Variants in TNS1 observed in about 807,000 individuals in gnomAD.
The protein encoded by TNS1 is tensin 1.
Under a neutral mutation model 168.6 loss-of-function variants are expected in TNS1, and 62 were observed. The ratio of observed to expected loss-of-function variants is 0.37; its 90% CI spans 0.30 to 0.45. The LOEUF (loss-of-function observed/expected upper bound fraction) is 0.45, where lower values mean the gene tolerates loss of function less well. Ranked by LOEUF, TNS1 falls within the 20% of genes least tolerant of loss-of-function variation. The pLI is 1.00. For synonymous variants in TNS1, 934 were observed against 933.2 expected (o/e 1.00, Z -0.02); for missense variants, 2,240 against 2,339.4 (o/e 0.96, Z 0.88).
intron 4 of TNS1, among the ~76,000 whole-genome samples, chr2:217,917,202 A>G (rs1345606745): frequency 6.6e-6 from 1 of 151,500 alleles, no homozygotes; most frequent in Non-Finnish European, 1.5e-5. Flanking sequence ...CAACAGCCCC[A>G]CCCATTCACC....
chr2:217,916,227 G>A (rs1954987674), intron 4 of TNS1, among the ~76,000 whole-genome samples: 1 of 152,098 alleles, frequency 6.6e-6, no homozygotes, highest in Non-Finnish European at 1.5e-5. Context: ...GGCTCCCATG[G>A]TGTCCCCCTG....
At chr2:217,917,720 A>G (rs758027486) in intron 4 of TNS1, among the ~76,000 whole-genome samples, 3 of 151,316 alleles carry the variant, frequency 2.0e-5, no homozygotes, top group Non-Finnish European at 4.4e-5. Context: ...AGTCCCAGCT[A>G]CTCAGGAGGC....
chr2:217,886,908 C>G (rs1401665060), intron 12 of TNS1, among the ~76,000 whole-genome samples: 1 of 152,160 alleles, frequency 6.6e-6, no homozygotes, highest in African/African-American at 2.4e-5. Context: ...CGCCACCGCC[C>G]TCTGGTGGTC....
intron 1 of TNS1, among the ~76,000 whole-genome samples, chr2:217,997,819 G>A (rs999160936): frequency 2.0e-5 from 3 of 152,340 alleles, no homozygotes; most frequent in Non-Finnish European, 1.5e-5. Context: ...TGAGCGATTC[G>A]TGTTGTCTTT....
rs1162316529 is a variant in TNS1 at position 217,813,846 on chromosome 2, GGA to G, written c.4730-32_4730-31del. 6.4e-7 allele frequency: 1 copy of G among 1,567,618 alleles called. No homozygotes were observed. The highest frequency in any genetic ancestry group is 8.7e-7 in the Non-Finnish European group (1 of 1,155,214). On this transcript the variant is annotated intron_variant, in intron 25 of 32. Coordinates refer to ENST00000682258, the MANE Select transcript of TNS1 (RefSeq NM_001387777.1). The surrounding 1 kb of genome is among the most constrained non-coding windows in gnomAD (Gnocchi z 4.0). ...ATGGGGAAGGGACAAGGAGAGAGGAGGAAGCAAGACCTCGGTGGCGCTAGTTT... is the reference window on the plus strand; with the variant it reads ...ATGGGGAAGGGACAAGGAGAGAGGAGAGCAAGACCTCGGTGGCGCTAGTTT...
intron 2 of TNS1, among the ~76,000 whole-genome samples, chr2:217,984,576 C>T (rs550433527): frequency 6.6e-6 from 1 of 152,214 alleles, no homozygotes; most frequent in Non-Finnish European, 1.5e-5. Context: ...CAGCCTCGAC[C>T]TCCCCAGGCT....
chr2:217,998,408 C>G (rs1958507142), intron 1 of TNS1, among the ~76,000 whole-genome samples: 1 of 152,208 alleles, frequency 6.6e-6, no homozygotes. Flanking sequence ...TCTGAGGCCC[C>G]ATCAGTGGGG....
rs756559646 is a variant in TNS1 at position 217,880,975 on chromosome 2, T to C, written c.1352A>G (p.Asp451Gly). 1.2e-6 allele frequency: 2 copies of C among 1,613,934 alleles called. No homozygotes were observed. The highest frequency in any genetic ancestry group is 1.7e-5 in the Admixed American group (1 of 60,000). ...GATGAGGGGGTCGGAGGTGTTATAG[T>C]CCACAGACACGCTCGGCCCGTTCTC... ...HLENGPSVSV[D>G]YNTSDPLIRW... Residue 451 changes from aspartate to glycine, a missense_variant, in exon 18 of 33, where the codon GAC (aspartate) becomes GGC (glycine). Asp to Gly is a moderately conservative substitution (Grantham distance 94, BLOSUM62 -1). Around this residue, in one of 2 missense-constraint regions of TNS1, gnomAD observed 2,131 missense variants for 2,171.2 expected, o/e 0.98. Transcript: ENST00000682258. The surrounding 1 kb of genome is among the most constrained non-coding windows in gnomAD (Gnocchi z 4.2).
intron 3 of TNS1, among the ~76,000 whole-genome samples, chr2:217,970,681 G>A (rs1344242122): frequency 6.6e-6 from 1 of 152,204 alleles, no homozygotes; most frequent in Non-Finnish European, 1.5e-5. Flanking sequence ...ATAGAGACGG[G>A]AAGATTAGTG....
At chr2:217,913,708 C>A (rs1954685737) in intron 4 of TNS1, among the ~76,000 whole-genome samples, 1 of 152,064 alleles carries the variant, frequency 6.6e-6, no homozygotes, top group Non-Finnish European at 1.5e-5. Context: ...GTTCAAGTTC[C>A]CCAGTGTGGT....
At chr2:217,854,510 C>T (rs2125486328) in intron 18 of TNS1, among the ~76,000 whole-genome samples, 1 of 152,312 alleles carries the variant, frequency 6.6e-6, no homozygotes, top group South Asian at 2.1e-4. Context: ...GTGATGACCA[C>T]CCAACGTGGG....
rs1244190923 is a variant in TNS1 at position 217,953,094 on chromosome 2, AG to A, written c.186+25670del. Among the ~76,000 whole-genome samples, 3 of 152,250 alleles carry A rather than the reference AG, an allele frequency of 2.0e-5. No individual in the cohort carries two copies. In the East Asian group the frequency reaches 5.8e-4, roughly 29 times the overall value. ...GGCCTGGCCATCTGGGGATGGAAGC[AG>A]GAGCCTCACGTCTGTTCCTAATGTC... On this transcript the variant is annotated intron_variant, in intron 3 of 32. Coordinates refer to ENST00000682258, the MANE Select transcript of TNS1 (RefSeq NM_001387777.1).
At chr2:217,866,451 G>C (rs1427671315) in intron 18 of TNS1, among the ~76,000 whole-genome samples, 3 of 152,096 alleles carry the variant, frequency 2.0e-5, no homozygotes, top group Non-Finnish European at 4.4e-5. Context: ...CTCCAAACTT[G>C]TCTGAGGCTA....
At position 218,033,692 on chromosome 2, in the gene TNS1, C is replaced by T. The variant is rs895214572; in HGVS notation, c.156+128G>A. On this transcript the variant is annotated intron_variant, in intron 1 of 1. Transcript: ENST00000649572. The surrounding 1 kb of genome is among the most constrained non-coding windows in gnomAD (Gnocchi z 4.3). ...CCTCCCCCTTGGTCCACCTGCCTTG[C>T]CGCACTTCCCAAGCAGACTAGCACC... 6.6e-6 allele frequency among the ~76,000 whole-genome samples: 1 copy of T among 152,186 alleles called. No individual in the cohort carries two copies. The highest frequency in any genetic ancestry group is 1.5e-5 in the Non-Finnish European group (1 of 68,032).
At chr2:217,898,478 G>A (rs762873255) in intron 7 of TNS1, among the ~76,000 whole-genome samples, 22 of 152,222 alleles carry the variant, frequency 1.4e-4, no homozygotes, top group African/African-American at 5.1e-4. Context: ...TGGAGTGGGC[G>A]GGAAACCTCT....
At chr2:217,816,009 C>A (rs1941836321) in intron 24 of TNS1, among the ~76,000 whole-genome samples, 2 of 152,158 alleles carry the variant, frequency 1.3e-5, no homozygotes, top group South Asian at 4.1e-4. Flanking sequence ...ACTCTGCAGA[C>A]CTTGGGAATT....
chr2:217,814,394 C>T (rs1941523491), intron 25 of TNS1, among the ~76,000 whole-genome samples: 1 of 152,158 alleles, frequency 6.6e-6, no homozygotes, highest in Non-Finnish European at 1.5e-5. Context: ...ACAACTACTC[C>T]ACTCTGCCAC....
chr2:217,881,287 C>T (rs1950659763), intron 17 of TNS1: 5 of 379,676 alleles, frequency 1.3e-5, no homozygotes, highest in East Asian at 9.2e-5. Context: ...TGGAAGAAAG[C>T]GGGGAGGACC....
intron 7 of TNS1, among the ~76,000 whole-genome samples, chr2:217,898,510 T>C (rs1446268736): frequency 1.3e-5 from 2 of 152,180 alleles, no homozygotes; most frequent in Admixed American, 1.3e-4. Context: ...GCATCTCAGG[T>C]GACACGTTCA....
Sources: allele counts gnomAD v4.1 joint callset (sites outside exome capture counted in the v4.1 genomes callset), GRCh38; gene constraint gnomAD v4.1.1; regional missense constraint gnomAD v4.1.1; non-coding constraint Gnocchi (gnomAD v3.1); transcripts MANE v1.5; gene names NCBI Gene and HGNC (gene_info 2026-07-23, HGNC 2026-07-21).